The following BRWD1 variants were observed in gnomAD, a reference collection of about 807,000 sequenced individuals.
BRWD1 encodes the protein bromodomain and WD repeat domain containing 1.
In BRWD1, 82 loss-of-function variants were observed where a neutral mutation model predicts 251.2. The observed-to-expected ratio is 0.33, with a 90% CI of 0.27 to 0.39. BRWD1 has a LOEUF of 0.39. BRWD1 is among the 10% of genes least tolerant of loss of function. The probability of loss-of-function intolerance (pLI) is 1.00; values close to 1 mark genes in which losing one functional copy is unlikely to be tolerated. For missense variants in BRWD1, 2,233 were observed against 2,711.6 expected, an observed-to-expected ratio of 0.82 and a Z score of 3.92; for synonymous variants, 918 against 902.8, an observed-to-expected ratio of 1.02 and a Z score of -0.30.
rs7275380 is a variant in BRWD1, at chr21:39,225,343, A to G, written c.3209-146T>C. ...AAGCAGCGCTCCTAAACAAACCAAG[A>G]AAAATATGGCATAAAAAATTTAACT... On this transcript the variant is annotated intron_variant, in intron 27 of 40. Transcript: ENST00000342449. 3,173 of 581,268 alleles carry G rather than the reference A, an allele frequency of 5.5e-3. 81 individuals carry two copies. The highest frequency in any genetic ancestry group is 0.053 in the African/African-American group (2,793 of 53,052). The allele number at this position is 581,268 out of a possible 1,614,324, so 36.0% of individuals were successfully genotyped here.
chr21:39,249,913 GGGGTGTGTGTGTGTGTGT>G (rs1402089994), intron 20 of BRWD1, among the ~76,000 whole-genome samples: 1,938 of 132,562 alleles, frequency 0.015, 47 homozygotes, highest in African/African-American at 0.05. Context: ...AAAAAGAAGG[GGGGTGTGTGTGTGTGTGT>G]GTGTGTGTGT....
chr21:39,200,434 C>T (rs1332711115), intron 38 of BRWD1, 48 bp from the exon 39 acceptor site: 1 of 1,503,758 alleles, frequency 6.7e-7, no homozygotes, highest in South Asian at 1.2e-5. Context: ...CCTGTCTTTA[C>T]ACACATAAGC....
rs774824585 is a variant in BRWD1 at position 39,277,269 on chromosome 21, T to C, written c.1086A>G (p.Ala362=). The change falls in exon 11 of 41, where the codon GCA becomes GCG. Residue 362 remains alanine, a synonymous_variant. Coordinates refer to ENST00000342449, the MANE Select transcript of BRWD1 (RefSeq NM_033656.4). ...FLGFEAPEKI[A]ELESHTDKVD... Reference sequence around the variant, plus strand: ...TGCTTACAGTGTGGCTTTCAAGTTCTGCGATTTTTTCGGGTGCTTCAAAAC... The same window carrying C: ...TGCTTACAGTGTGGCTTTCAAGTTCCGCGATTTTTTCGGGTGCTTCAAAAC... 5.6e-6 allele frequency: 9 copies of C among 1,610,384 alleles called. No individual in the cohort carries two copies. In the Admixed American group the frequency reaches 6.7e-5, roughly 12 times the overall value.
rs1474918824 is a variant in BRWD1 at position 39,258,520 on chromosome 21, C to G, written c.2038G>C (p.Gly680Arg). ...MGADQDTIPR[G>R]LSNGEETPRR... ...GGTGTTTCTTCACCATTTGAAAGTC[C>G]TCTTGGAATAGTATCCTGATCTGCT... Residue 680 changes from glycine to arginine, a missense_variant, in exon 18 of 41, where the codon GGA becomes CGA. Around this residue, in one of 12 missense-constraint regions of BRWD1, gnomAD observed 73 missense variants for 68.1 expected, o/e 1.07. Transcript: ENST00000342449. The G allele has an allele frequency of 6.2e-7, 1 of 1,604,658 alleles. No individual in the cohort carries two copies. The highest frequency in any genetic ancestry group is 1.1e-5 in the South Asian group (1 of 89,272).
chr21:39,318,611 A>G (rs7283516), upstream of BRWD1, among the ~76,000 whole-genome samples: 46,543 of 152,088 alleles, frequency 0.31, 7,584 homozygotes, highest in Middle Eastern at 0.36. Context: ...ATATGTGTTA[A>G]AAGTCTTCCC....
In BRWD1 at chr21:39,187,033, G is replaced by T; in HGVS notation, c.*9226C>A. ...TCTACATTCTCATAGTCACTATTGT[G>T]CATTTTCTTTCCAGGATCTGAACCC... On this transcript the variant is annotated 3_prime_UTR_variant, in exon 41 of 41. Transcript: ENST00000342449. The T allele has an allele frequency of 6.4e-7, 1 of 1,560,616 alleles. No homozygotes were observed. The highest frequency in any genetic ancestry group is 8.6e-7 in the Non-Finnish European group (1 of 1,160,094).
intron 15 of BRWD1, 57 bp downstream of exon 15, chr21:39,269,842 C>T: frequency 2.2e-6 from 3 of 1,366,066 alleles, no homozygotes; most frequent in Non-Finnish European, 9.6e-7. Context: ...GCCGCATAAC[C>T]CAAATACTCT....
chr21:39,245,576 G>A (rs2034156106), intron 21 of BRWD1, among the ~76,000 whole-genome samples: 1 of 148,936 alleles, frequency 6.7e-6, no homozygotes, highest in African/African-American at 2.5e-5. Flanking sequence ...TTTTAACACT[G>A]TAGTATTAAA....
chr21:39,210,482 A>T (rs752167259), intron 35 of BRWD1, among the ~76,000 whole-genome samples: 3 of 152,138 alleles, frequency 2.0e-5, no homozygotes, highest in African/African-American at 7.2e-5. Context: ...GTGCAAACAG[A>T]CACGTTTATC....
intron 8 of BRWD1, among the ~76,000 whole-genome samples, chr21:39,292,409 T>G (rs146925476): frequency 6.6e-6 from 1 of 152,170 alleles, no homozygotes; most frequent in South Asian, 2.1e-4. Context: ...GCAATGATCA[T>G]CAGTGAGTAA....
At chr21:39,214,880 C>CT (rs11337511) in intron 32 of BRWD1, among the ~76,000 whole-genome samples, 13 of 117,542 alleles carry the variant, frequency 1.1e-4, no homozygotes, top group East Asian at 4.4e-4. Flanking sequence ...TTTTTTTTTC[C>CT]TTTTTTTTTT....
intron 21 of BRWD1, among the ~76,000 whole-genome samples, chr21:39,245,363 G>A (rs930791040): frequency 1.3e-5 from 2 of 152,128 alleles, no homozygotes. Context: ...CCACACCTCT[G>A]AGGTACATGT....
chr21:39,244,707 C>T (rs1415959632), intron 21 of BRWD1, among the ~76,000 whole-genome samples: 2 of 151,890 alleles, frequency 1.3e-5, no homozygotes, highest in African/African-American at 4.8e-5. Context: ...AGGAAACCAT[C>T]CCATGTCTAC....
chr21:39,219,754 T>C (rs1330739666), intron 29 of BRWD1: 1 of 152,214 alleles, frequency 6.6e-6, no homozygotes, highest in Admixed American at 6.5e-5. Context: ...AGTCATATGA[T>C]GTAGTCTTTT....
At chr21:39,226,437 C>T (rs2033385751) in intron 27 of BRWD1, among the ~76,000 whole-genome samples, 1 of 152,142 alleles carries the variant, frequency 6.6e-6, no homozygotes, top group Admixed American at 6.5e-5. Context: ...AAAACAAAAA[C>T]CACTAAATTA....
chr21:39,188,458 C>T lies in BRWD1; in HGVS notation c.*7801G>A, dbSNP rs891191816. 4 of 985,238 alleles carry T rather than the reference C, an allele frequency of 4.1e-6. No homozygotes were observed. The Admixed American group carries it at 1.8e-4, about 45-fold the overall frequency. The allele number at this position is 985,238 out of a possible 1,614,324, so 61.0% of individuals were successfully genotyped here. On this transcript the variant is annotated 3_prime_UTR_variant, in exon 41 of 41. Coordinates refer to ENST00000342449, the MANE Select transcript of BRWD1 (RefSeq NM_033656.4). ...ACTACTAAGTACTAGAAAATGAGAG[C>T]TCTTTTAGTCAGATACTATCAAGTA...
intron 19 of BRWD1, among the ~76,000 whole-genome samples, 180 bp downstream of exon 19, chr21:39,255,465 A>C (rs147298890): frequency 6.6e-6 from 1 of 152,148 alleles, no homozygotes; most frequent in East Asian, 1.9e-4. Flanking sequence ...TTAATGTAGT[A>C]AAAACATTAG....
At chr21:39,243,849 C>T (rs1019079035) in intron 21 of BRWD1, among the ~76,000 whole-genome samples, 2 of 152,274 alleles carry the variant, frequency 1.3e-5, no homozygotes, top group East Asian at 3.9e-4. Flanking sequence ...AGGATTAAAA[C>T]ATATTCATAC....
In BRWD1 at chr21:39,309,424, C is replaced by A. The variant is rs187284549; in HGVS notation, c.198+3417G>T. Among the ~76,000 whole-genome samples the A allele has an allele frequency of 4.6e-5, 7 of 152,138 alleles. No individual in the cohort carries two copies. The East Asian group carries it at 1.2e-3, about 25-fold the overall frequency. On this transcript the variant is annotated intron_variant, in intron 4 of 40. Coordinates refer to ENST00000342449, the MANE Select transcript of BRWD1 (RefSeq NM_033656.4). ...AGTGAGCTGTGATCACACCACTGCA[C>A]CCCAGCCTGGGTAATAGAGTGAGAC...
Sources: gnomAD v4.1 joint callset for allele counts (sites outside exome capture counted in the v4.1 genomes callset) on GRCh38, gnomAD v4.1.1 for gene constraint, gnomAD v4.1.1 regional missense constraint, MANE v1.5 for transcripts, NCBI Gene and HGNC (gene_info 2026-07-23, HGNC 2026-07-21) for gene names.